Variants in FRMD4A observed in about 807,000 individuals in gnomAD.
The protein encoded by FRMD4A is FERM domain-containing protein 4A.
A neutral mutation model predicts 129.1 loss-of-function variants in FRMD4A; 29 were observed. The observed-to-expected ratio is 0.22, with a 90% CI of 0.17 to 0.31. The LOEUF is 0.31. FRMD4A is among the 10% of genes least tolerant of loss of function. The probability of loss-of-function intolerance (pLI) is 1.00; values close to 1 mark genes in which losing one functional copy is unlikely to be tolerated. For missense variants in FRMD4A, 1,272 were observed against 1,375.8 expected (o/e 0.92, Z 1.19); for synonymous variants, 634 against 571.6 (o/e 1.11, Z -1.56).
intron 2 of FRMD4A, among the ~76,000 whole-genome samples, chr10:14,180,069 A>C (rs904748460): frequency 2.0e-5 from 3 of 152,134 alleles, no homozygotes; most frequent in Non-Finnish European, 2.9e-5. Context: ...AAACCAAAAA[A>C]CAAACAAACA....
At chr10:13,865,444 T>C (rs1416060435) in intron 2 of FRMD4A, among the ~76,000 whole-genome samples, 1 of 148,512 alleles carries the variant, frequency 6.7e-6, no homozygotes, top group African/African-American at 2.5e-5. Context: ...TTTTATTTTA[T>C]TTTATTTTAT....
At chr10:13,918,227 G>T (rs1357629013) in intron 2 of FRMD4A, among the ~76,000 whole-genome samples, 1 of 152,086 alleles carries the variant, frequency 6.6e-6, no homozygotes, top group Non-Finnish European at 1.5e-5. Flanking sequence ...GTTCTCTGTT[G>T]TATCTCCAGA....
At chr10:13,666,692 G>A (rs937940984) in intron 17 of FRMD4A, among the ~76,000 whole-genome samples, 21 of 152,046 alleles carry the variant, frequency 1.4e-4, no homozygotes, top group African/African-American at 5.1e-4. Flanking sequence ...TTTCCATTTT[G>A]GATGTAGGAT....
chr10:14,119,643 G>A (rs1022520960), intron 2 of FRMD4A, among the ~76,000 whole-genome samples: 2 of 152,168 alleles, frequency 1.3e-5, no homozygotes, highest in Non-Finnish European at 2.9e-5. Context: ...CAACAAATGA[G>A]AGGAGGTGTC....
rs1422262789 is a variant in FRMD4A, at chr10:14,175,299, T to C, written c.45+154759A>G. 2.0e-5 allele frequency among the ~76,000 whole-genome samples: 3 copies of C among 152,252 alleles called. 1 individual carries two copies. In the South Asian group the frequency reaches 6.2e-4, roughly 32 times the overall value. ...TGCCCTTCTTTCCATCTGTGATTCT[T>C]GTACTCACAAGACATCCCCAAGATA... On this transcript the variant is annotated intron_variant, in intron 2 of 24. Transcript: ENST00000357447.
intron 3 of FRMD4A, among the ~76,000 whole-genome samples, chr10:13,839,452 C>T (rs375362885): frequency 1.3e-5 from 2 of 152,326 alleles, no homozygotes; most frequent in East Asian, 3.9e-4. Context: ...AGGATTCCTG[C>T]CATAAAACGT....
At chr10:13,981,434 T>C (rs937859217) in intron 2 of FRMD4A, among the ~76,000 whole-genome samples, 1 of 151,992 alleles carries the variant, frequency 6.6e-6, no homozygotes, top group African/African-American at 2.4e-5. Flanking sequence ...AAGGACAAGC[T>C]ATGGTGGATA....
At chr10:14,127,975 T>TTTC (rs1838970715) in intron 2 of FRMD4A, among the ~76,000 whole-genome samples, 1 of 21,858 alleles carries the variant, frequency 4.6e-5, no homozygotes, top group Admixed American at 4.1e-4. Context: ...TCTTTCTTTC[T>TTTC]TTCCTTCTCT....
chr10:13,688,159 G>C (rs539226080), intron 15 of FRMD4A, among the ~76,000 whole-genome samples: 2 of 152,108 alleles, frequency 1.3e-5, no homozygotes, highest in Non-Finnish European at 2.9e-5. Flanking sequence ...GTCCAACAAC[G>C]ATAGACTGGA....
chr10:14,294,999 G>A (rs1252202573), intron 2 of FRMD4A, among the ~76,000 whole-genome samples: 2 of 152,146 alleles, frequency 1.3e-5, no homozygotes, highest in African/African-American at 4.8e-5. Flanking sequence ...GGAAACTAAA[G>A]TCAGACAAGA....
rs117355322 is a variant in FRMD4A, at chr10:14,060,840, G to T, written c.46-201928C>A. Among the ~76,000 whole-genome samples the T allele has an allele frequency of 1.3e-4, 20 of 152,180 alleles. No individual in the cohort carries two copies. The East Asian group carries it at 3.7e-3, about 28-fold the overall frequency. On this transcript the variant is annotated intron_variant, in intron 2 of 24. Coordinates refer to ENST00000357447, the MANE Select transcript of FRMD4A (RefSeq NM_018027.5). ...CTTTTCTGATCTTTGGGTCCCCATG[G>T]ACTTCTAAGCATAATAACAAAGCCA...
intron 2 of FRMD4A, among the ~76,000 whole-genome samples, chr10:14,175,988 T>C (rs998489217): frequency 5.3e-5 from 8 of 152,232 alleles, no homozygotes; most frequent in African/African-American, 9.6e-5. Flanking sequence ...TATAAAAGAT[T>C]ATTGCCATTT....
intron 2 of FRMD4A, among the ~76,000 whole-genome samples, chr10:13,908,245 T>G (rs2094904379): frequency 6.7e-6 from 1 of 150,164 alleles, no homozygotes; most frequent in African/African-American, 2.4e-5. Context: ...AAACACTTTA[T>G]CTTCTTTGCT....
At chr10:13,972,211 C>T in intron 2 of FRMD4A, 1 of 1,010,372 alleles carries the variant, frequency 9.9e-7, no homozygotes, top group Non-Finnish European at 1.2e-6. Flanking sequence ...TGTTGGGATC[C>T]CCTCCAGGGT....
chr10:13,714,148 T>C (rs1387433756), intron 12 of FRMD4A, among the ~76,000 whole-genome samples: 1 of 147,912 alleles, frequency 6.8e-6, no homozygotes, highest in Non-Finnish European at 1.5e-5. Flanking sequence ...CAACCTCTGC[T>C]GCCTCCCGGG....
At chr10:14,123,924 T>C (rs1470928523) in intron 2 of FRMD4A, among the ~76,000 whole-genome samples, 1 of 152,212 alleles carries the variant, frequency 6.6e-6, no homozygotes, top group East Asian at 1.9e-4. Flanking sequence ...GCCATTTTAT[T>C]TGCAACTCAT....
chr10:14,238,862 C>G (rs1198601388), intron 2 of FRMD4A, among the ~76,000 whole-genome samples: 2 of 152,186 alleles, frequency 1.3e-5, no homozygotes, highest in Non-Finnish European at 2.9e-5. Flanking sequence ...AGGACATGAA[C>G]TCATTCTTTT....
At chr10:13,693,604 A>C in intron 15 of FRMD4A, 1 of 805,630 alleles carries the variant, frequency 1.2e-6, no homozygotes, top group Non-Finnish European at 1.7e-6. Context: ...TGCCATGGGG[A>C]TTGTGAAACG....
chr10:14,007,310 T>C (rs1250003077), intron 2 of FRMD4A: 1 of 152,218 alleles, frequency 6.6e-6, no homozygotes, highest in East Asian at 1.9e-4. Context: ...ATATACTTTG[T>C]GGGTGTAGGG....
Sources: gnomAD v4.1 joint callset for allele counts (sites outside exome capture counted in the v4.1 genomes callset) on GRCh38, gnomAD v4.1.1 for gene constraint, MANE v1.5 for transcripts, NCBI Gene and HGNC (gene_info 2026-07-23, HGNC 2026-07-21) for gene names.